The following RFC1 variants were observed in gnomAD, a reference collection of about 807,000 sequenced individuals.
The protein encoded by RFC1 is replication factor C subunit 1.
RFC1 carries 37 observed loss-of-function variants against 137.4 expected under a neutral mutation model. The observed-to-expected ratio is 0.27, with a 90% CI of 0.21 to 0.35. The LOEUF (loss-of-function observed/expected upper bound fraction) is 0.35, where lower values mean the gene tolerates loss of function less well. RFC1 is among the 10% of genes least tolerant of loss of function. The pLI is 1.00. For missense variants in RFC1, 1,205 were observed against 1,358.5 expected, an observed-to-expected ratio of 0.89 and a Z score of 1.78; for synonymous variants, 429 against 455.7, an observed-to-expected ratio of 0.94 and a Z score of 0.75.
intron 8 of RFC1, 128 bp from the exon 9 acceptor site, chr4:39,320,797 T>C (rs1739483681): frequency 1.3e-6 from 1 of 751,508 alleles, no homozygotes; most frequent in Non-Finnish European, 2.0e-6. Context: ...TCCTAAAGTG[T>C]CAAGACCATC....
chr4:39,313,211 T>C (rs1189270628), intron 10 of RFC1, among the ~76,000 whole-genome samples: 2 of 152,192 alleles, frequency 1.3e-5, no homozygotes, highest in Non-Finnish European at 2.9e-5. Flanking sequence ...TTCATACTAT[T>C]TTCCATTATG....
intron 12 of RFC1, among the ~76,000 whole-genome samples, chr4:39,310,781 T>C (rs1424864644): frequency 6.6e-6 from 1 of 152,222 alleles, no homozygotes; most frequent in African/African-American, 2.4e-5. Context: ...AAAACAAATT[T>C]ATCATGCTAA....
At chr4:39,355,917 G>T (rs370590011) in intron 1 of RFC1, 1 of 147,636 alleles carries the variant, frequency 6.8e-6, no homozygotes, top group South Asian at 2.2e-4. Flanking sequence ...CAGGAAAACC[G>T]CTTGAACCCG....
intron 1 of RFC1, among the ~76,000 whole-genome samples, chr4:39,355,264 T>C (rs1169260000): frequency 7.3e-6 from 1 of 137,560 alleles, no homozygotes; most frequent in African/African-American, 2.7e-5. Context: ...TCTCTACAAA[T>C]AAAAAAAAAA....
At chr4:39,348,844 A>C (rs562857710) in intron 2 of RFC1, among the ~76,000 whole-genome samples, 1 of 151,270 alleles carries the variant, frequency 6.6e-6, no homozygotes, top group African/African-American at 2.4e-5. Context: ...AGGGCCACTA[A>C]CCCAGTGGGT....
At chr4:39,312,645 T>C (rs1332161517) in intron 11 of RFC1, 107 bp downstream of exon 11, 1 of 993,988 alleles carries the variant, frequency 1.0e-6, no homozygotes, top group Non-Finnish European at 1.4e-6. Context: ...AGAAATTACT[T>C]TTCTATTTCT....
In RFC1 at chr4:39,302,791, C is replaced by T. The variant is rs1310206097; in HGVS notation, c.2286G>A (p.Leu762=). Residue 762 remains leucine, a synonymous_variant, in exon 17 of 25, where the codon CTG becomes CTA. Coordinates refer to ENST00000349703, the MANE Select transcript of RFC1 (RefSeq NM_002913.5). ...AACGAAGATCAAAACAATAATGAAC[C>T]AGAGAGCGAATCTTGGGATGATTTC... is the stretch of plus-strand genomic sequence containing the variant. ...NDRNHPKIRS[L]VHYCFDLRFQ... is the part of the protein sequence containing the mutation. 2 of 1,605,290 alleles carry T rather than the reference C, an allele frequency of 1.2e-6. No individual in the cohort carries two copies. The highest frequency in any genetic ancestry group is 1.1e-5 in the South Asian group (1 of 88,334).
At chr4:39,296,805 C>G (rs1227466672) in intron 21 of RFC1, among the ~76,000 whole-genome samples, 31 of 148,898 alleles carry the variant, frequency 2.1e-4, no homozygotes, top group African/African-American at 6.4e-4. Flanking sequence ...ATTTCTAGTT[C>G]TAGATCCCTG....
rs775684528 is a variant in RFC1 at position 39,327,764 on chromosome 4, G to A, written c.332-8C>T. On this transcript the variant is annotated splice_region_variant and splice_polypyrimidine_tract_variant and intron_variant, in intron 4 of 24. Coordinates refer to ENST00000349703, the MANE Select transcript of RFC1 (RefSeq NM_002913.5). ...TAAAGTCATCTTCTTCATCTTAAATGAAATGTAACCAAATATTTTTTATAA... is the reference window on the plus strand; with the variant it reads ...TAAAGTCATCTTCTTCATCTTAAATAAAATGTAACCAAATATTTTTTATAA... 15 of 1,553,640 alleles carry A rather than the reference G, an allele frequency of 9.7e-6. No homozygotes were observed. In the Admixed American group the frequency reaches 2.4e-4, roughly 25 times the overall value.
chr4:39,318,315 A>C (rs1739350639), intron 9 of RFC1, among the ~76,000 whole-genome samples: 1 of 152,230 alleles, frequency 6.6e-6, no homozygotes, highest in Non-Finnish European at 1.5e-5. Flanking sequence ...GAGCTTATTA[A>C]AATACAGCTG....
chr4:39,364,032 A>G (rs1017384926), intron 1 of RFC1, among the ~76,000 whole-genome samples: 2 of 150,306 alleles, frequency 1.3e-5, no homozygotes, highest in Non-Finnish European at 3.0e-5. Flanking sequence ...GTGAGCTATC[A>G]TCACACCACT....
In RFC1 at chr4:39,288,701, G is replaced by T; in HGVS notation, c.*60C>A. ...CTGGGAAAAAACAAGGCTTTCTCTA[G>T]ACCAGCTGGACTGGTCAGGAGGGAG... On this transcript the variant is annotated 3_prime_UTR_variant, in exon 25 of 25. Coordinates refer to ENST00000349703, the MANE Select transcript of RFC1 (RefSeq NM_002913.5). The T allele has an allele frequency of 9.4e-7, 1 of 1,067,076 alleles. No individual in the cohort carries two copies. The highest frequency in any genetic ancestry group is 1.3e-5 in the South Asian group (1 of 74,752). The allele number at this position is 1,067,076 out of a possible 1,614,324, so 66.1% of individuals were successfully genotyped here.
Position 39,306,490 on chromosome 4 carries a change from A to G in RFC1, c.1995+102T>C, listed in dbSNP as rs963491755. 3 of 642,602 alleles carry G rather than the reference A, an allele frequency of 4.7e-6. 1 individual carries two copies. The highest frequency in any genetic ancestry group is 3.7e-5 in the South Asian group (2 of 54,232). 39.8% of individuals were successfully genotyped at this position (642,602 alleles called of 1,614,324 possible). ...TAAACACAGTTTATATATAGACACC[A>G]CACACACACATGCACACGCACAGAT... On this transcript the variant is annotated intron_variant, in intron 14 of 24. Transcript: ENST00000349703.
Position 39,288,518 on chromosome 4 carries a change from G to A in RFC1, c.*243C>T, listed in dbSNP as rs953089864. 3.3e-5 allele frequency: 12 copies of A among 362,628 alleles called. No homozygotes were observed. Among genetic ancestry groups the A allele is most frequent in the African/African-American group, 6.3e-5 (3 of 47,584 alleles). 22.5% of individuals were successfully genotyped at this position (362,628 alleles called of 1,614,324 possible). A position where few individuals can be genotyped will look rare whatever the true frequency, so the allele number is the denominator to read the frequency against. On this transcript the variant is annotated 3_prime_UTR_variant, in exon 25 of 25. Coordinates refer to ENST00000349703, the MANE Select transcript of RFC1 (RefSeq NM_002913.5). ...CAATTCTACAGTCATTCAGAAGCACGTCTAACTAGATTGACAGAGGACAGT... is the reference window on the plus strand; with the variant it reads ...CAATTCTACAGTCATTCAGAAGCACATCTAACTAGATTGACAGAGGACAGT...
At position 39,300,113 on chromosome 4, in the gene RFC1, G is replaced by T. The variant is rs768864359; in HGVS notation, c.2716C>A (p.Leu906Ile). Reference sequence around the variant, plus strand: ...ATGCTGTCTGCTGCTCTGCTTAAAAGCATCAGGTGCTTTTTCATGTCACCC... The same window carrying T: ...ATGCTGTCTGCTGCTCTGCTTAAAATCATCAGGTGCTTTTTCATGTCACCC... ...AGGDMKKHLM[L>I]LSRAADSICD... Residue 906 changes from leucine to isoleucine, a missense_variant, in exon 21 of 25, where the codon CTT (leucine) becomes ATT (isoleucine). This residue lies in a region of RFC1 where 237 missense variants were observed against 304.2 expected (regional missense o/e 0.78). Coordinates refer to ENST00000349703, the MANE Select transcript of RFC1 (RefSeq NM_002913.5). The T allele has an allele frequency of 2.9e-5, 47 of 1,613,870 alleles. No individual in the cohort carries two copies. Among genetic ancestry groups the T allele is most frequent in the Non-Finnish European group, 4.0e-5 (47 of 1,179,918 alleles).
intron 12 of RFC1, among the ~76,000 whole-genome samples, chr4:39,310,725 G>C (rs1278737053): frequency 1.3e-5 from 2 of 152,184 alleles, no homozygotes; most frequent in African/African-American, 4.8e-5. Flanking sequence ...GCTAATACAG[G>C]CTAGGTGTCT....
chr4:39,295,291 C>T (rs1481245865), intron 22 of RFC1, among the ~76,000 whole-genome samples: 3 of 152,162 alleles, frequency 2.0e-5, no homozygotes, highest in African/African-American at 4.8e-5. Flanking sequence ...TCTGAAGCTG[C>T]GAAGCTATTC....
intron 1 of RFC1, chr4:39,365,392 C>T: frequency 2.3e-6 from 2 of 864,668 alleles, no homozygotes; most frequent in Non-Finnish European, 2.8e-6. Flanking sequence ...TAAGTATCTT[C>T]TAGCTTAATG....
At chr4:39,315,795 C>G (rs1228513610) in intron 10 of RFC1, among the ~76,000 whole-genome samples, 1 of 152,232 alleles carries the variant, frequency 6.6e-6, no homozygotes, top group Admixed American at 6.5e-5. Flanking sequence ...ACTGCTCCCC[C>G]AGACCAGTCC....
Sources: gnomAD v4.1 joint callset for allele counts (sites outside exome capture counted in the v4.1 genomes callset) on GRCh38, gnomAD v4.1.1 for gene constraint, gnomAD v4.1.1 regional missense constraint, MANE v1.5 for transcripts, NCBI Gene and HGNC (gene_info 2026-07-23, HGNC 2026-07-21) for gene names.